Variants in ANO4 observed in about 807,000 individuals in gnomAD.
The protein encoded by ANO4 is anoctamin-4.
Under a neutral mutation model 141.9 loss-of-function variants are expected in ANO4, and 69 were observed. That is an observed-to-expected ratio of 0.49 (90% CI 0.40 to 0.59). The LOEUF is 0.59. ANO4 is among the 20% of genes least tolerant of loss of function. The pLI is 0.00. For synonymous variants in ANO4, 350 were observed against 394.3 expected, an observed-to-expected ratio of 0.89 and a Z score of 1.33; for missense variants, 894 against 1,162.2, an observed-to-expected ratio of 0.77 and a Z score of 3.36.
chr12:100,930,703 G>A (rs1234040518), intron 3 of ANO4, among the ~76,000 whole-genome samples: 1 of 152,106 alleles, frequency 6.6e-6, no homozygotes, highest in Non-Finnish European at 1.5e-5. Context: ...AACTAGAACC[G>A]CAGGTTCTTT....
intron 2 of ANO4, among the ~76,000 whole-genome samples, chr12:100,908,627 T>C (rs749265536): frequency 2.6e-5 from 4 of 152,230 alleles, no homozygotes; most frequent in Non-Finnish European, 4.4e-5. Flanking sequence ...GACAAATGCA[T>C]CATAGTTCTC....
chr12:100,846,446 C>T (rs781041263), intron 1 of ANO4, among the ~76,000 whole-genome samples: 3 of 152,102 alleles, frequency 2.0e-5, no homozygotes, highest in Non-Finnish European at 4.4e-5. Context: ...TTATGAACAA[C>T]AAATATTTTA....
chr12:100,926,665 C>G (rs2673658), intron 3 of ANO4, among the ~76,000 whole-genome samples: 44,222 of 151,638 alleles, frequency 0.29, 6,686 homozygotes, highest in Admixed American at 0.34. Flanking sequence ...GTCCCTTCCT[C>G]TCTATTCTCA....
intron 9 of ANO4, among the ~76,000 whole-genome samples, chr12:101,033,303 T>G (rs1256656312): frequency 3.4e-5 from 5 of 148,858 alleles, no homozygotes; most frequent in Non-Finnish European, 7.4e-5. Flanking sequence ...AACATCACAC[T>G]CTGGGGACTG....
At position 100,971,310 on chromosome 12, in the gene ANO4, C is replaced by T; in HGVS notation, c.461C>T (p.Ser154Phe). ...AGTTTCTTTTTTCTGTTTCAGTCCTCTCTAATAAATAGTGACATTATCTTT... is the reference window on the plus strand; with the variant it reads ...AGTTTCTTTTTTCTGTTTCAGTCCTTTCTAATAAATAGTGACATTATCTTT... Reference protein sequence around the residue: ...AEGLQMEKESSLINSDIIFVK... With the variant: ...AEGLQMEKESFLINSDIIFVK... Residue 154 changes from serine to phenylalanine, a missense_variant, in exon 6 of 28, where the codon TCT (serine) becomes TTT (phenylalanine). Physicochemically the swap from Ser to Phe is radical, Grantham distance 155. This residue lies in a region of ANO4 where 257 missense variants were observed against 253.0 expected (regional missense o/e 1.02). Coordinates refer to ENST00000392977, the MANE Select transcript of ANO4 (RefSeq NM_001286615.2). 6.2e-7 allele frequency: 1 copy of T among 1,604,682 alleles called. No individual in the cohort carries two copies.
At chr12:101,019,382 GCA>G (rs1285178810) in intron 8 of ANO4, among the ~76,000 whole-genome samples, 3 of 151,868 alleles carry the variant, frequency 2.0e-5, no homozygotes, top group African/African-American at 4.8e-5. Flanking sequence ...GTGTGTGTGC[GCA>G]CACACACATA....
chr12:100,866,894 A>G (rs2038779240), intron 1 of ANO4, among the ~76,000 whole-genome samples: 1 of 152,220 alleles, frequency 6.6e-6, no homozygotes, highest in African/African-American at 2.4e-5. Context: ...GAATGCATAT[A>G]CTAAATTCTG....
chr12:101,088,488 C>T (rs888540774), intron 17 of ANO4, among the ~76,000 whole-genome samples: 6 of 151,942 alleles, frequency 3.9e-5, no homozygotes, highest in Non-Finnish European at 5.9e-5. Flanking sequence ...GGAATGTAGG[C>T]CCATAAGGGC....
intron 3 of ANO4, among the ~76,000 whole-genome samples, chr12:100,934,923 AT>A (rs2042223726): frequency 6.6e-6 from 1 of 152,048 alleles, no homozygotes; most frequent in Admixed American, 6.6e-5. Flanking sequence ...AATGCTTGTG[AT>A]TTTTGCACAT....
chr12:101,041,777 C>T (rs554857095), intron 11 of ANO4, among the ~76,000 whole-genome samples: 6 of 152,100 alleles, frequency 3.9e-5, no homozygotes, highest in Non-Finnish European at 7.4e-5. Flanking sequence ...ATGGAAAGAA[C>T]GGATGTGGCA....
chr12:100,981,949 A>C (rs1188444065), intron 7 of ANO4, among the ~76,000 whole-genome samples: 1 of 152,170 alleles, frequency 6.6e-6, no homozygotes, highest in Non-Finnish European at 1.5e-5. Flanking sequence ...AACCTTCCCA[A>C]GACCAAACTT....
chr12:100,842,344 A>G (rs2037314288), intron 1 of ANO4: 1 of 151,678 alleles, frequency 6.6e-6, no homozygotes, highest in African/African-American at 2.4e-5. Flanking sequence ...CTGTGACCAC[A>G]TTATTTTCTC....
At chr12:100,965,599 A>C (rs2043618245) in intron 5 of ANO4, among the ~76,000 whole-genome samples, 1 of 151,894 alleles carries the variant, frequency 6.6e-6, no homozygotes, top group South Asian at 2.1e-4. Flanking sequence ...TATCTTAGGT[A>C]ACTCTCTCCA....
At chr12:100,773,358 A>G (rs1260697041) in intron 3 of ANO4, among the ~76,000 whole-genome samples, 1 of 152,240 alleles carries the variant, frequency 6.6e-6, no homozygotes, top group East Asian at 1.9e-4. Context: ...AGTGTCCTAG[A>G]TATTTGTGTT....
chr12:100,754,636 A>C (rs1477717271), intron 3 of ANO4, among the ~76,000 whole-genome samples: 1 of 152,198 alleles, frequency 6.6e-6, no homozygotes, highest in Non-Finnish European at 1.5e-5. Flanking sequence ...AGCACTAGTC[A>C]CAATAGCCAA....
intron 1 of ANO4, among the ~76,000 whole-genome samples, chr12:100,810,264 G>T (rs1219071200): frequency 6.6e-6 from 1 of 151,816 alleles, no homozygotes; most frequent in Admixed American, 6.6e-5. Flanking sequence ...CAGGGAAATG[G>T]TATCCAAAAG....
intron 26 of ANO4, 98 bp from the exon 27 acceptor site, chr12:101,126,781 A>T: frequency 8.7e-7 from 1 of 1,149,214 alleles, no homozygotes; most frequent in Non-Finnish European, 1.2e-6. Flanking sequence ...TGCACTCTCC[A>T]CATACCCCAG....
intron 1 of ANO4, among the ~76,000 whole-genome samples, chr12:100,723,148 AAAATT>A (rs1392059059): frequency 7.2e-5 from 11 of 152,190 alleles, no homozygotes; most frequent in Admixed American, 2.0e-4. Flanking sequence ...TTTGTGGGGT[AAAATT>A]AAATTAAAAA....
At chr12:101,064,482 C>T (rs577853691) in intron 14 of ANO4, among the ~76,000 whole-genome samples, 1 of 152,000 alleles carries the variant, frequency 6.6e-6, no homozygotes, top group South Asian at 2.1e-4. Flanking sequence ...CACATGGACA[C>T]GCGGAGGGGA....
Sources: allele counts gnomAD v4.1 joint callset (sites outside exome capture counted in the v4.1 genomes callset), GRCh38; gene constraint gnomAD v4.1.1; regional missense constraint gnomAD v4.1.1; transcripts MANE v1.5; gene names NCBI Gene and HGNC (gene_info 2026-07-23, HGNC 2026-07-21).